HCN1: variants seen among roughly 807,000 people sequenced by gnomAD.
The protein encoded by HCN1 is potassium/sodium hyperpolarization-activated cyclic nucleotide-gated channel 1.
A neutral mutation model predicts 78.9 loss-of-function variants in HCN1; 13 were observed. That is an observed-to-expected ratio of 0.16 (90% CI 0.11 to 0.26). The LOEUF is 0.26. Ranked by LOEUF, HCN1 falls within the 10% of genes least tolerant of loss-of-function variation. The pLI is 1.00. For missense variants in HCN1, 810 were observed against 1,154.3 expected, an observed-to-expected ratio of 0.70 and a Z score of 4.32; for synonymous variants, 552 against 455.5, an observed-to-expected ratio of 1.21 and a Z score of -2.70.
chr5:45,406,706 A>T (rs909858306), intron 3 of HCN1, among the ~76,000 whole-genome samples: 4 of 152,196 alleles, frequency 2.6e-5, no homozygotes, highest in African/African-American at 9.7e-5. Context: ...TTTTAAGAAC[A>T]TAACCATAAC....
At chr5:45,481,098 T>C (rs921926770) in intron 2 of HCN1, among the ~76,000 whole-genome samples, 13 of 152,212 alleles carry the variant, frequency 8.5e-5, no homozygotes, top group African/African-American at 2.9e-4. Context: ...CAGTAAAAGC[T>C]ACATGAAGCC....
At chr5:45,640,763 C>G (rs1200833350) in intron 2 of HCN1, among the ~76,000 whole-genome samples, 1 of 149,786 alleles carries the variant, frequency 6.7e-6, no homozygotes, top group Non-Finnish European at 1.5e-5. Context: ...TTAGTAGAGA[C>G]AGGGTTTCAC....
At chr5:45,465,800 T>C (rs991699092) in intron 2 of HCN1, among the ~76,000 whole-genome samples, 1 of 152,140 alleles carries the variant, frequency 6.6e-6, no homozygotes, top group Non-Finnish European at 1.5e-5. Context: ...ATTTTCACCA[T>C]ATCTAGACTA....
At chr5:45,587,470 G>T (rs1561211524) in intron 2 of HCN1, among the ~76,000 whole-genome samples, 1 of 150,260 alleles carries the variant, frequency 6.7e-6, no homozygotes, top group African/African-American at 2.4e-5. Context: ...AACACTGCAT[G>T]TTCTCACTCA....
intron 5 of HCN1, among the ~76,000 whole-genome samples, chr5:45,318,274 T>C (rs1054659579): frequency 6.6e-6 from 1 of 152,088 alleles, no homozygotes; most frequent in Admixed American, 6.6e-5. Context: ...GGGACATGGA[T>C]GAAGCTGGAA....
At chr5:45,280,346 G>A (rs1417132754) in intron 6 of HCN1, among the ~76,000 whole-genome samples, 1 of 152,110 alleles carries the variant, frequency 6.6e-6, no homozygotes, top group Non-Finnish European at 1.5e-5. Context: ...CAAAATAAAT[G>A]CAAAGAGAAA....
intron 4 of HCN1, among the ~76,000 whole-genome samples, chr5:45,372,657 C>T (rs369846702): frequency 2.7e-5 from 2 of 74,228 alleles, no homozygotes; most frequent in East Asian, 5.8e-4. Flanking sequence ...ATATATAAAA[C>T]ATTTATATAT....
At chr5:45,525,811 C>A (rs1313974507) in intron 2 of HCN1, among the ~76,000 whole-genome samples, 1 of 151,988 alleles carries the variant, frequency 6.6e-6, no homozygotes, top group Non-Finnish European at 1.5e-5. Context: ...TTAGGGACTG[C>A]ATGTTTATGT....
intron 4 of HCN1, among the ~76,000 whole-genome samples, chr5:45,368,873 A>G (rs909458081): frequency 5.3e-5 from 8 of 152,188 alleles, no homozygotes; most frequent in Non-Finnish European, 1.2e-4. Context: ...TAATTTATAT[A>G]AAATAACATC....
chr5:45,330,801 A>C (rs1746328837), intron 5 of HCN1, among the ~76,000 whole-genome samples: 1 of 151,100 alleles, frequency 6.6e-6, no homozygotes, highest in Admixed American at 6.6e-5. Context: ...TTCATTTAAA[A>C]AAATTTTCAA....
intron 2 of HCN1, among the ~76,000 whole-genome samples, chr5:45,601,180 G>C (rs1004517360): frequency 5.9e-5 from 9 of 152,130 alleles, no homozygotes; most frequent in Admixed American, 2.6e-4. Flanking sequence ...GGCACATCTG[G>C]ATTTTGTTGT....
chr5:45,282,261 G>A (rs1027040703), intron 6 of HCN1, among the ~76,000 whole-genome samples: 4 of 152,052 alleles, frequency 2.6e-5, no homozygotes, highest in Non-Finnish European at 5.9e-5. Flanking sequence ...AAAGAAATGG[G>A]CTTTAAAAAT....
At chr5:45,307,010 C>A (rs76983737) in intron 5 of HCN1, among the ~76,000 whole-genome samples, 9,925 of 151,920 alleles carry the variant, frequency 0.065, 447 homozygotes, top group East Asian at 0.13. Context: ...AATGAAAAAA[C>A]AAACAGAAAG....
At chr5:45,272,647 C>G (rs1218137625) in intron 6 of HCN1, among the ~76,000 whole-genome samples, 4 of 152,024 alleles carry the variant, frequency 2.6e-5, no homozygotes, top group Non-Finnish European at 5.9e-5. Context: ...TTCCCTTGGT[C>G]ATAGAACTTG....
intron 2 of HCN1, among the ~76,000 whole-genome samples, chr5:45,547,024 G>T (rs569076657): frequency 4.0e-5 from 6 of 151,790 alleles, no homozygotes; most frequent in African/African-American, 1.2e-4. Flanking sequence ...CTTTTAACCG[G>T]TCTCTATGAT....
intron 2 of HCN1, among the ~76,000 whole-genome samples, chr5:45,509,335 G>T (rs1032384693): frequency 6.6e-6 from 1 of 152,056 alleles, no homozygotes; most frequent in Non-Finnish European, 1.5e-5. Context: ...TAAAGTAGAT[G>T]ATATGTCTTT....
chr5:45,645,317 T>C lies in HCN1; in HGVS notation c.717A>G (p.Val239=), dbSNP rs1354539677. ...SIPVDYIFLI[V]EKGMDSEVYK... is the part of the protein sequence containing the mutation. Reference sequence around the variant, plus strand: ...AAACTTCAGAATCCATTCCTTTTTCTACAATAAGAAAGATATAATCCACTG... The same window carrying C: ...AAACTTCAGAATCCATTCCTTTTTCCACAATAAGAAAGATATAATCCACTG... Residue 239 remains valine (V), a synonymous_variant, in exon 2 of 8, where the codon GTA becomes GTG. Transcript: ENST00000303230. 1.9e-6 allele frequency: 3 copies of C among 1,613,650 alleles called. No homozygotes were observed. Among genetic ancestry groups the C allele is most frequent in the East Asian group, 2.2e-5 (1 of 44,844 alleles).
chr5:45,301,522 C>A (rs1474199489), intron 6 of HCN1, among the ~76,000 whole-genome samples: 1 of 150,970 alleles, frequency 6.6e-6, no homozygotes, highest in East Asian at 2.0e-4. Context: ...AGTTAGAGAC[C>A]AGCCTGGGCA....
chr5:45,527,390 C>T (rs192160799), intron 2 of HCN1, among the ~76,000 whole-genome samples: 2 of 141,186 alleles, frequency 1.4e-5, no homozygotes, highest in Non-Finnish European at 3.1e-5. Flanking sequence ...TCACCCCTGC[C>T]ACACAGAGGT....
Sources: allele counts gnomAD v4.1 joint callset (sites outside exome capture counted in the v4.1 genomes callset), GRCh38; gene constraint gnomAD v4.1.1; transcripts MANE v1.5; gene names NCBI Gene and HGNC (gene_info 2026-07-23, HGNC 2026-07-21).